MEGF11: variants seen among roughly 807,000 people sequenced by gnomAD.
The protein encoded by MEGF11 is multiple epidermal growth factor-like domains protein 11.
A neutral mutation model predicts 146.6 loss-of-function variants in MEGF11; 126 were observed. That is an observed-to-expected ratio of 0.86 (90% CI 0.74 to 1.00). The LOEUF (loss-of-function observed/expected upper bound fraction) is 1.00. Among genes scored for constraint, MEGF11 ranks in the 50% least tolerant of loss-of-function variants. MEGF11 has a pLI of 0.00. For missense variants in MEGF11, 1,509 were observed against 1,521.2 expected (o/e 0.99, Z 0.13); for synonymous variants, 532 against 583.4 (o/e 0.91, Z 1.27).
intron 10 of MEGF11, among the ~76,000 whole-genome samples, chr15:65,949,510 C>T (rs1222489366): frequency 6.6e-6 from 1 of 152,190 alleles, no homozygotes; most frequent in Non-Finnish European, 1.5e-5. Flanking sequence ...TAGATGAGCC[C>T]TTTAAGGTAA....
chr15:65,932,752 A>G lies in MEGF11; in HGVS notation c.1288-1809T>C, dbSNP rs187144386. On this transcript the variant is annotated intron_variant, in intron 10 of 25. Coordinates refer to ENST00000395614, the MANE Select transcript of MEGF11 (RefSeq NM_001385028.1). Reference sequence around the variant, plus strand: ...TTAGGAACCTACTGTGGGGCTGTCTATGCCGGAGCAAGTGGTCACTGGATG... The same window carrying G: ...TTAGGAACCTACTGTGGGGCTGTCTGTGCCGGAGCAAGTGGTCACTGGATG... 3.7e-4 allele frequency among the ~76,000 whole-genome samples: 57 copies of G among 152,146 alleles called. No individual in the cohort carries two copies. In the East Asian group the frequency reaches 5.4e-3, roughly 14 times the overall value.
chr15:66,196,549 G>C (rs1163928914), intron 1 of MEGF11, among the ~76,000 whole-genome samples: 1 of 152,206 alleles, frequency 6.6e-6, no homozygotes, highest in Non-Finnish European at 1.5e-5. Context: ...AAAGTTTTAA[G>C]CAGGGGTAGG....
intron 5 of MEGF11, among the ~76,000 whole-genome samples, chr15:66,000,807 C>A (rs2082343802): frequency 6.6e-6 from 1 of 152,120 alleles, no homozygotes; most frequent in South Asian, 2.1e-4. Flanking sequence ...CTAAATCACA[C>A]TAAAAGTGGA....
At chr15:65,909,682 A>G (rs2078734278) in intron 22 of MEGF11, 58 bp downstream of exon 22, 6 of 1,475,426 alleles carry the variant, frequency 4.1e-6, no homozygotes, top group South Asian at 1.2e-5. Context: ...GCTTCTCAAT[A>G]TGGAAGAAGA....
At position 66,110,454 on chromosome 15, in the gene MEGF11, C is replaced by T. The variant is rs76689716; in HGVS notation, c.301+8632G>A. Among the ~76,000 whole-genome samples, 855 of 152,292 alleles carry T rather than the reference C, an allele frequency of 5.6e-3. 11 individuals carry two copies. Among genetic ancestry groups the T allele is most frequent in the African/African-American group, 0.019 (808 of 41,548 alleles). ...CATTAACTTTGACCTCTCAGTGGGG[C>T]TCTGTCGGGGGTGGACGGGCAGCTA... On this transcript the variant is annotated intron_variant, in intron 4 of 25. Coordinates refer to ENST00000395614, the MANE Select transcript of MEGF11 (RefSeq NM_001385028.1).
intron 1 of MEGF11, among the ~76,000 whole-genome samples, chr15:66,137,811 G>T (rs1206833825): frequency 2.0e-5 from 3 of 152,026 alleles, no homozygotes; most frequent in East Asian, 1.9e-4. Context: ...GCCTCCCAAA[G>T]TGCTGGGATT....
intron 1 of MEGF11, among the ~76,000 whole-genome samples, chr15:66,224,600 T>G (rs2091808370): frequency 6.9e-6 from 1 of 145,018 alleles, no homozygotes; most frequent in Admixed American, 7.2e-5. Flanking sequence ...ATATATATAT[T>G]TATTATATAT....
At chr15:65,903,632 A>G (rs1223964594) in intron 24 of MEGF11, among the ~76,000 whole-genome samples, 1 of 152,234 alleles carries the variant, frequency 6.6e-6, no homozygotes, top group East Asian at 1.9e-4. Context: ...CTTAACTCCT[A>G]GGCTAGGGCT....
intron 1 of MEGF11, among the ~76,000 whole-genome samples, chr15:66,211,784 CCCT>C (rs2091461887): frequency 6.6e-6 from 1 of 151,738 alleles, no homozygotes; most frequent in African/African-American, 2.4e-5. Flanking sequence ...AAAGTGGTAG[CCCT>C]CACCCTCTCC....
At chr15:65,957,411 C>G in intron 10 of MEGF11, 136 bp downstream of exon 10, 1 of 797,744 alleles carries the variant, frequency 1.3e-6, no homozygotes, top group Non-Finnish European at 2.0e-6. Flanking sequence ...AGGGGCTCTC[C>G]CCTCATGAAG....
rs142285693 is a variant in MEGF11, at chr15:66,166,554, C to T, written c.-8-38143G>A. 2.7e-3 allele frequency among the ~76,000 whole-genome samples: 404 copies of T among 152,268 alleles called. 2 individuals are homozygous for T. Among genetic ancestry groups the T allele is most frequent in the Middle Eastern group, 0.017 (5 of 294 alleles). On this transcript the variant is annotated intron_variant, in intron 1 of 25. Transcript: ENST00000395614. ...AACCGGGATAAACCCAAACTCCTCACTAGGCCCAAAGGCCCTTCATGATCT... is the reference window on the plus strand; with the variant it reads ...AACCGGGATAAACCCAAACTCCTCATTAGGCCCAAAGGCCCTTCATGATCT...
chr15:66,080,593 T>C (rs1301024822), intron 5 of MEGF11, among the ~76,000 whole-genome samples: 1 of 152,190 alleles, frequency 6.6e-6, no homozygotes, highest in Non-Finnish European at 1.5e-5. Flanking sequence ...CTGTTGGCCT[T>C]TGAGAAGCGC....
chr15:66,059,557 A>G (rs6494544), intron 5 of MEGF11, among the ~76,000 whole-genome samples: 147,894 of 150,994 alleles, frequency 0.98, 72,513 homozygotes, highest in East Asian at 1. Flanking sequence ...TTGACTCAGC[A>G]AAACTCCCAG....
intron 10 of MEGF11, among the ~76,000 whole-genome samples, chr15:65,935,964 A>G (rs557321622): frequency 3.0e-4 from 45 of 152,028 alleles, no homozygotes; most frequent in African/African-American, 1.0e-3. Context: ...AGATTAGACT[A>G]TCAGCTCTGC....
In MEGF11 at chr15:65,913,754, G is replaced by A; in HGVS notation, c.2693C>T (p.Thr898Ile). Reference protein sequence around the residue: ...SYTPAMRMTSTDYSLSDLSQS... With the variant: ...SYTPAMRMTSIDYSLSDLSQS... ...GCCCTTACCTGAGAGGGAGTAGTCG[G>A]TGCTGGTCATCCTCATGGCAGGTGT... The change falls in exon 20 of 26, where the codon ACC (threonine) becomes ATC (isoleucine). Residue 898 changes from threonine (T) to isoleucine (I), a missense_variant. By Grantham distance (89) the Thr-to-Ile change is moderately conservative. Transcript: ENST00000395614. The A allele has an allele frequency of 6.2e-7, 1 of 1,612,950 alleles. No individual in the cohort carries two copies. The highest frequency in any genetic ancestry group is 8.5e-7 in the Non-Finnish European group (1 of 1,179,442).
At chr15:65,985,431 T>G (rs1180147601) in intron 5 of MEGF11, among the ~76,000 whole-genome samples, 1 of 152,080 alleles carries the variant, frequency 6.6e-6, no homozygotes, top group East Asian at 1.9e-4. Flanking sequence ...CACCACAGGA[T>G]CCAGCACAAG....
rs924488373 is a variant in MEGF11, at chr15:66,038,529, G to A, written c.394+55873C>T. 5.3e-5 allele frequency among the ~76,000 whole-genome samples: 8 copies of A among 152,108 alleles called. No individual in the cohort carries two copies. The Middle Eastern group carries it at 0.01, about 194-fold the overall frequency. Reference sequence around the variant, plus strand: ...GATAATAAGATTATAGTCTTTTTGCGGCACTTTAATTTAACGAGGCTGTTC... The same window carrying A: ...GATAATAAGATTATAGTCTTTTTGCAGCACTTTAATTTAACGAGGCTGTTC... On this transcript the variant is annotated intron_variant, in intron 5 of 25. Coordinates refer to ENST00000395614, the MANE Select transcript of MEGF11 (RefSeq NM_001385028.1).
Position 65,898,074 on chromosome 15 carries a change from G to C in MEGF11, c.3283C>G (p.Gln1095Glu). Residue 1095 changes from glutamine (Q) to glutamate (E), a missense_variant, in exon 26 of 26, where the codon CAA becomes GAA. Coordinates refer to ENST00000395614, the MANE Select transcript of MEGF11 (RefSeq NM_001385028.1). ...YEVEPTVSVV[Q>E]EGCGHNSSYI... ...CTGGAGTTATGACCGCAACCTTCTTGGACCACACTGACTGTGGGCTCTAAG... is the reference window on the plus strand; with the variant it reads ...CTGGAGTTATGACCGCAACCTTCTTCGACCACACTGACTGTGGGCTCTAAG... 1 of 1,613,650 alleles carries C rather than the reference G, an allele frequency of 6.2e-7. No individual in the cohort carries two copies. Among genetic ancestry groups the C allele is most frequent in the Non-Finnish European group, 8.5e-7 (1 of 1,179,708 alleles).
intron 4 of MEGF11, among the ~76,000 whole-genome samples, chr15:66,096,802 T>C (rs1195058938): frequency 1.3e-5 from 2 of 152,174 alleles, no homozygotes; most frequent in African/African-American, 4.8e-5. Context: ...CTACCACCTG[T>C]GCCTTCTCCA....
Sources: gnomAD v4.1 joint callset for allele counts (sites outside exome capture counted in the v4.1 genomes callset) on GRCh38, gnomAD v4.1.1 for gene constraint, MANE v1.5 for transcripts, NCBI Gene and HGNC (gene_info 2026-07-23, HGNC 2026-07-21) for gene names.